Variants in RNLS observed in about 807,000 individuals in gnomAD.
RNLS encodes renalase, FAD dependent amine oxidase.
RNLS carries 39 observed loss-of-function variants against 39.8 expected under a neutral mutation model. The ratio of observed to expected loss-of-function variants is 0.98; its 90% CI spans 0.76 to 1.28. The LOEUF (loss-of-function observed/expected upper bound fraction) is 1.28, where lower values mean the gene tolerates loss of function less well. Among genes scored for constraint, RNLS ranks in the 50% most tolerant of loss-of-function variants. RNLS has a pLI of 0.00. For missense variants in RNLS, 410 were observed against 413.3 expected, an observed-to-expected ratio of 0.99 and a Z score of 0.07; for synonymous variants, 147 against 150.7, an observed-to-expected ratio of 0.98 and a Z score of 0.18.
At chr10:88,520,280 C>T (rs1453438054) in intron 4 of RNLS, among the ~76,000 whole-genome samples, 1 of 151,970 alleles carries the variant, frequency 6.6e-6, no homozygotes, top group African/African-American at 2.4e-5. Flanking sequence ...GTGATGGGCA[C>T]AATGATATTC....
intron 6 of RNLS, among the ~76,000 whole-genome samples, chr10:88,304,606 G>T (rs759967611): frequency 2.6e-5 from 4 of 152,102 alleles, no homozygotes; most frequent in Non-Finnish European, 4.4e-5. Context: ...CTTAAAGACT[G>T]GCTTTCTGAA....
downstream of RNLS, among the ~76,000 whole-genome samples, chr10:88,283,439 A>C (rs1308213815): frequency 6.6e-6 from 1 of 152,098 alleles, no homozygotes. Flanking sequence ...GGAGGACATA[A>C]ATTCATAAAA....
intron 5 of RNLS, among the ~76,000 whole-genome samples, chr10:88,335,782 G>C (rs936032471): frequency 6.6e-6 from 1 of 152,054 alleles, no homozygotes; most frequent in Non-Finnish European, 1.5e-5. Context: ...CCTCACTATG[G>C]GTTGATTTTT....
At chr10:88,501,041 A>G (rs1845451532) in intron 4 of RNLS, among the ~76,000 whole-genome samples, 1 of 151,038 alleles carries the variant, frequency 6.6e-6, no homozygotes. Context: ...GTGTGTGTAT[A>G]TATGTACACT....
At chr10:88,255,941 C>G in the RNLS span, among the ~76,000 whole-genome samples, 1 of 152,160 alleles carries the variant, frequency 6.6e-6, no homozygotes, top group Non-Finnish European at 1.5e-5. Flanking sequence ...AGGTGGCAAA[C>G]AGGAATCAAG....
chr10:88,481,411 T>G (rs543529732), intron 4 of RNLS, among the ~76,000 whole-genome samples: 105 of 152,266 alleles, frequency 6.9e-4, no homozygotes, highest in Non-Finnish European at 1.1e-3. Context: ...CTTTTTTGTG[T>G]TAAGTGTATT....
the RNLS span, among the ~76,000 whole-genome samples, chr10:88,187,385 C>T: frequency 1.3e-5 from 2 of 151,692 alleles, no homozygotes; most frequent in Non-Finnish European, 2.9e-5. Flanking sequence ...CCAACTTCTC[C>T]TAGCCTATAT....
intron 4 of RNLS, among the ~76,000 whole-genome samples, chr10:88,399,834 T>C (rs957709815): frequency 1.2e-4 from 19 of 152,014 alleles, no homozygotes; most frequent in Non-Finnish European, 7.4e-5. Context: ...AGAAATTTAT[T>C]TTCTTAGAGT....
At chr10:88,277,899 T>C (rs1317776457) in intron 6 of RNLS, among the ~76,000 whole-genome samples, 2 of 152,228 alleles carry the variant, frequency 1.3e-5, no homozygotes, top group African/African-American at 4.8e-5. Context: ...TTTCTAAATT[T>C]ATCATGTTTT....
rs565225997 is a variant in RNLS, at chr10:88,440,423, A to G, written c.527-77698T>C. Among the ~76,000 whole-genome samples the G allele has an allele frequency of 3.5e-4, 54 of 152,338 alleles. 1 individual carries two copies. Among genetic ancestry groups the G allele is most frequent in the African/African-American group, 1.2e-3 (48 of 41,574 alleles). ...GGTAATCACAAATGTATAATTCAAG[A>G]TACCTTCAGGTGCAAAGAAAGAAAA... is the stretch of plus-strand genomic sequence containing the variant. On this transcript the variant is annotated intron_variant, in intron 4 of 6. Coordinates refer to ENST00000331772, the MANE Select transcript of RNLS (RefSeq NM_001031709.3).
At chr10:88,507,503 G>A (rs1845857826) in intron 4 of RNLS, among the ~76,000 whole-genome samples, 2 of 152,024 alleles carry the variant, frequency 1.3e-5, no homozygotes. Context: ...ACCATAGCAA[G>A]ACACTCTCCC....
At chr10:88,206,533 GC>G in the RNLS span, among the ~76,000 whole-genome samples, 2 of 152,084 alleles carry the variant, frequency 1.3e-5, no homozygotes, top group East Asian at 3.8e-4. Context: ...AGAATAAAGG[GC>G]CCCAACTGGC....
intron 4 of RNLS, among the ~76,000 whole-genome samples, chr10:88,484,081 C>A (rs548728109): frequency 6.4e-4 from 98 of 152,108 alleles, no homozygotes; most frequent in South Asian, 6.2e-3. Context: ...TCAGCTATAA[C>A]TCATATCAAG....
intron 4 of RNLS, among the ~76,000 whole-genome samples, chr10:88,469,008 CA>C (rs1843364590): frequency 6.6e-6 from 1 of 151,820 alleles, no homozygotes; most frequent in African/African-American, 2.4e-5. Flanking sequence ...TATTTAATGT[CA>C]GGGAAAATAA....
chr10:88,248,887 G>A, the RNLS span, among the ~76,000 whole-genome samples: 1 of 152,188 alleles, frequency 6.6e-6, no homozygotes, highest in African/African-American at 2.4e-5. Context: ...GTTAATTGAA[G>A]TTTCCTGAAC....
At chr10:88,203,456 G>GTATATATA in the RNLS span, among the ~76,000 whole-genome samples, 3 of 1,208 alleles carry the variant, frequency 2.5e-3, no homozygotes, top group Admixed American at 0.014. Context: ...GTGTGTGTGT[G>GTATATATA]TATATATATA....
intron 4 of RNLS, among the ~76,000 whole-genome samples, chr10:88,488,733 C>G (rs747537151): frequency 6.6e-6 from 1 of 151,922 alleles, no homozygotes; most frequent in African/African-American, 2.4e-5. Context: ...CCAAATTTTC[C>G]GTGATTACAG....
chr10:88,381,953 A>AAAT (rs2133521600), intron 4 of RNLS, among the ~76,000 whole-genome samples: 1 of 152,186 alleles, frequency 6.6e-6, no homozygotes, highest in South Asian at 2.1e-4. Context: ...CAGTATCCAT[A>AAAT]AATAAAGTTT....
chr10:88,554,854 C>A (rs1662486178), intron 4 of RNLS, among the ~76,000 whole-genome samples: 2 of 152,054 alleles, frequency 1.3e-5, no homozygotes, highest in South Asian at 4.1e-4. Context: ...TATAATGTAT[C>A]CTATCTTAAA....
Sources: allele counts gnomAD v4.1 joint callset (sites outside exome capture counted in the v4.1 genomes callset), GRCh38; gene constraint gnomAD v4.1.1; transcripts MANE v1.5; gene names NCBI Gene and HGNC (gene_info 2026-07-23, HGNC 2026-07-21).